Variants in HECW1 observed in about 807,000 individuals in gnomAD.
HECW1 encodes HECT, C2 and WW domain containing E3 ubiquitin protein ligase 1.
In HECW1, 61 loss-of-function variants were observed where a neutral mutation model predicts 182.3. The observed-to-expected ratio is 0.33, with a 90% CI of 0.27 to 0.41. The LOEUF (loss-of-function observed/expected upper bound fraction) is 0.41. HECW1 is among the 10% of genes least tolerant of loss of function. HECW1 has a pLI of 1.00. For synonymous variants in HECW1, 859 were observed against 832.6 expected, an observed-to-expected ratio of 1.03 and a Z score of -0.55; for missense variants, 1,739 against 2,108.9, an observed-to-expected ratio of 0.82 and a Z score of 3.44.
chr7:43,194,597 C>G (rs772769538), intron 2 of HECW1: 1 of 152,252 alleles, frequency 6.6e-6, no homozygotes, highest in Non-Finnish European at 1.5e-5. Context: ...CTTGGCTAGT[C>G]CCTGCCCTGT....
At chr7:43,461,147 G>A (rs2077569046) in intron 13 of HECW1, among the ~76,000 whole-genome samples, 1 of 152,186 alleles carries the variant, frequency 6.6e-6, no homozygotes, top group Non-Finnish European at 1.5e-5. Context: ...CATGGTTCTG[G>A]TTTGATTGAG....
chr7:43,451,468 G>T (rs778636413), intron 12 of HECW1, among the ~76,000 whole-genome samples: 1 of 152,172 alleles, frequency 6.6e-6, no homozygotes, highest in Non-Finnish European at 1.5e-5. Flanking sequence ...TCATCTTTAA[G>T]ATAGAATTCA....
intron 2 of HECW1, among the ~76,000 whole-genome samples, chr7:43,131,997 G>A (rs905229756): frequency 6.6e-6 from 1 of 152,186 alleles, no homozygotes; most frequent in African/African-American, 2.4e-5. Flanking sequence ...ATCGAGTGGG[G>A]AAAATACCCA....
intron 2 of HECW1, among the ~76,000 whole-genome samples, chr7:43,157,587 G>T (rs1268623683): frequency 6.6e-6 from 1 of 152,050 alleles, no homozygotes; most frequent in Non-Finnish European, 1.5e-5. Context: ...TTGAGACAGG[G>T]TCTCACTATG....
intron 2 of HECW1, among the ~76,000 whole-genome samples, chr7:43,201,556 C>A (rs1416297284): frequency 6.6e-6 from 1 of 152,208 alleles, no homozygotes; most frequent in Non-Finnish European, 1.5e-5. Context: ...AGTGTTCATT[C>A]ATCTTTACAT....
At chr7:43,516,762 A>T (rs2080171691) in intron 24 of HECW1, among the ~76,000 whole-genome samples, 1 of 152,234 alleles carries the variant, frequency 6.6e-6, no homozygotes, top group Non-Finnish European at 1.5e-5. Flanking sequence ...CATAGAGTGG[A>T]ATTACACAAA....
chr7:43,535,683 C>T (rs779884612), intron 24 of HECW1, among the ~76,000 whole-genome samples: 14 of 152,148 alleles, frequency 9.2e-5, no homozygotes, highest in East Asian at 1.9e-4. Flanking sequence ...TTGCATGTAT[C>T]GAGGGTGTCC....
At chr7:43,486,225 C>A (rs2078628731) in intron 17 of HECW1, among the ~76,000 whole-genome samples, 1 of 152,156 alleles carries the variant, frequency 6.6e-6, no homozygotes, top group Non-Finnish European at 1.5e-5. Context: ...GCATAGTATT[C>A]CATGGTGTAT....
intron 2 of HECW1, among the ~76,000 whole-genome samples, chr7:43,204,375 A>T (rs1795276694): frequency 6.6e-6 from 1 of 152,222 alleles, no homozygotes; most frequent in African/African-American, 2.4e-5. Flanking sequence ...TTCTTGGTGC[A>T]TTCGTTTGTC....
intron 2 of HECW1, among the ~76,000 whole-genome samples, chr7:43,134,494 T>C (rs1230116356): frequency 2.6e-5 from 4 of 152,076 alleles, no homozygotes; most frequent in Non-Finnish European, 5.9e-5. Context: ...TTAAGTGTTT[T>C]TATGTTTAAA....
At chr7:43,261,817 AAG>A (rs1378521295) in intron 3 of HECW1, among the ~76,000 whole-genome samples, 1 of 152,154 alleles carries the variant, frequency 6.6e-6, no homozygotes, top group Non-Finnish European at 1.5e-5. Flanking sequence ...CTCATAACAA[AAG>A]AGTAACTGGC....
At chr7:43,307,591 T>G (rs949745526) in intron 3 of HECW1, among the ~76,000 whole-genome samples, 1 of 152,152 alleles carries the variant, frequency 6.6e-6, no homozygotes, top group African/African-American at 2.4e-5. Flanking sequence ...CAGAGCTTCA[T>G]CTATCTCCCA....
chr7:43,346,935 A>G (rs1257369699), intron 5 of HECW1, among the ~76,000 whole-genome samples: 1 of 152,190 alleles, frequency 6.6e-6, no homozygotes, highest in Admixed American at 6.5e-5. Context: ...TGATGCCTCC[A>G]GATTTGTTCT....
At chr7:43,328,958 C>T (rs534442841) in intron 5 of HECW1, among the ~76,000 whole-genome samples, 8 of 152,148 alleles carry the variant, frequency 5.3e-5, no homozygotes, top group African/African-American at 7.2e-5. Flanking sequence ...TGCTGGGGAT[C>T]GTGCTGGTCT....
chr7:43,245,999 C>G (rs17172182), intron 3 of HECW1, among the ~76,000 whole-genome samples: 40,631 of 151,972 alleles, frequency 0.27, 6,312 homozygotes, highest in African/African-American at 0.43. Context: ...TCATCATGCT[C>G]TGAAATGAGT....
intron 7 of HECW1, among the ~76,000 whole-genome samples, chr7:43,405,274 ACT>A (rs2075569549): frequency 6.6e-6 from 1 of 152,136 alleles, no homozygotes; most frequent in Non-Finnish European, 1.5e-5. Flanking sequence ...TGTCTTTCAC[ACT>A]CTAATAAGTC....
At chr7:43,419,750 G>A (rs1270321321) in intron 8 of HECW1, among the ~76,000 whole-genome samples, 1 of 152,172 alleles carries the variant, frequency 6.6e-6, no homozygotes, top group Non-Finnish European at 1.5e-5. Context: ...TAAAGAAATA[G>A]CATTTGAATA....
In HECW1 at chr7:43,456,276, TGC is replaced by T; in HGVS notation, c.2501-20_2501-19del. 1 of 1,541,538 alleles carries T rather than the reference TGC, an allele frequency of 6.5e-7. No homozygotes were observed. The highest frequency in any genetic ancestry group is 8.8e-7 in the Non-Finnish European group (1 of 1,141,882). Reference sequence around the variant, plus strand: ...GTAGTTTGTCCTTGATTTTTCTTTTTGCCTTTTTATTAAACACTAGACTGGGA... The same window carrying T: ...GTAGTTTGTCCTTGATTTTTCTTTTTCTTTTTATTAAACACTAGACTGGGA... On this transcript the variant is annotated intron_variant, in intron 12 of 29. Coordinates refer to ENST00000395891, the MANE Select transcript of HECW1 (RefSeq NM_015052.5).
chr7:43,389,521 C>T (rs1010016921), intron 6 of HECW1, among the ~76,000 whole-genome samples: 2 of 152,212 alleles, frequency 1.3e-5, no homozygotes, highest in Non-Finnish European at 2.9e-5. Context: ...TCACTTTACA[C>T]CCTAAGAACC....
Sources: allele counts gnomAD v4.1 joint callset (sites outside exome capture counted in the v4.1 genomes callset), GRCh38; gene constraint gnomAD v4.1.1; transcripts MANE v1.5; gene names NCBI Gene and HGNC (gene_info 2026-07-23, HGNC 2026-07-21).